The following DNAJC1 variants were observed in gnomAD, a reference collection of about 807,000 sequenced individuals.
DNAJC1 encodes dnaJ homolog subfamily C member 1.
Under a neutral mutation model 76.6 loss-of-function variants are expected in DNAJC1, and 58 were observed. The observed-to-expected ratio is 0.76, with a 90% CI of 0.61 to 0.94. The LOEUF (loss-of-function observed/expected upper bound fraction) is 0.94, where lower values mean the gene tolerates loss of function less well. Among genes scored for constraint, DNAJC1 ranks in the 40% least tolerant of loss-of-function variants. The pLI is 0.00. For synonymous variants in DNAJC1, 258 were observed against 267.9 expected, an observed-to-expected ratio of 0.96 and a Z score of 0.36; for missense variants, 689 against 677.3, an observed-to-expected ratio of 1.02 and a Z score of -0.19.
At chr10:21,983,595 C>T (rs1170016071) in intron 1 of DNAJC1, among the ~76,000 whole-genome samples, 1 of 152,058 alleles carries the variant, frequency 6.6e-6, no homozygotes, top group Non-Finnish European at 1.5e-5. Context: ...TGGCACTCGC[C>T]TGTAAATCCC....
At chr10:21,828,177 T>C (rs1417049547) in intron 8 of DNAJC1, among the ~76,000 whole-genome samples, 1 of 152,162 alleles carries the variant, frequency 6.6e-6, no homozygotes, top group Non-Finnish European at 1.5e-5. Context: ...TATAAAACAA[T>C]AAGCAATGTA....
chr10:21,813,641 G>T (rs965115553), intron 8 of DNAJC1, among the ~76,000 whole-genome samples: 16 of 152,124 alleles, frequency 1.1e-4, no homozygotes, highest in Admixed American at 2.0e-4. Context: ...ACCTGCCTTG[G>T]CCTCCCAAAG....
At chr10:21,898,771 T>C (rs559658339) in intron 7 of DNAJC1, among the ~76,000 whole-genome samples, 2 of 151,832 alleles carry the variant, frequency 1.3e-5, no homozygotes, top group South Asian at 2.1e-4. Context: ...GGTTTTGCCA[T>C]GTTGGCCAGG....
chr10:21,928,512 C>T lies in DNAJC1; in HGVS notation c.365G>A (p.Arg122Lys), dbSNP rs1381005568. The T allele has an allele frequency of 2.5e-6, 4 of 1,612,938 alleles. No homozygotes were observed. The highest frequency in any genetic ancestry group is 1.3e-5 in the African/African-American group (1 of 74,862). ...AGCAGAAATGAACACTCACCTCTGCCTTCGTTCATCATCCTTTAAAACTTC... is the reference window on the plus strand; with the variant it reads ...AGCAGAAATGAACACTCACCTCTGCTTTCGTTCATCATCCTTTAAAACTTC... Reference protein sequence around the residue: ...IYEVLKDDERRQRYDDILING... With the variant: ...IYEVLKDDERKQRYDDILING... The change falls in exon 3 of 12, where the codon AGG becomes AAG. Residue 122 changes from arginine to lysine, a missense_variant. Coordinates refer to ENST00000376980, the MANE Select transcript of DNAJC1 (RefSeq NM_022365.4).
At chr10:21,979,154 T>C (rs955591815) in intron 1 of DNAJC1, among the ~76,000 whole-genome samples, 2 of 151,042 alleles carry the variant, frequency 1.3e-5, no homozygotes, top group African/African-American at 2.5e-5. Flanking sequence ...TGAAGATCTT[T>C]TAAAAAAAAC....
intron 8 of DNAJC1, among the ~76,000 whole-genome samples, chr10:21,876,851 A>G (rs1836196741): frequency 6.6e-6 from 1 of 152,240 alleles, no homozygotes; most frequent in Admixed American, 6.5e-5. Context: ...TTTGGAACAA[A>G]ACATTAATCT....
chr10:21,765,238 G>A (rs768930324), intron 10 of DNAJC1, among the ~76,000 whole-genome samples: 6 of 152,086 alleles, frequency 3.9e-5, no homozygotes, highest in Middle Eastern at 3.4e-3. Flanking sequence ...TTTTTTTTAC[G>A]TTTATTTTTC....
intron 10 of DNAJC1, among the ~76,000 whole-genome samples, chr10:21,763,501 G>GACTCAGAC (rs1209903943): frequency 6.6e-6 from 1 of 150,710 alleles, no homozygotes; most frequent in Admixed American, 6.6e-5. Context: ...CAGGAACCCA[G>GACTCAGAC]ACTCAGACAC....
At chr10:21,858,404 G>A (rs1483486265) in intron 8 of DNAJC1, among the ~76,000 whole-genome samples, 1 of 152,150 alleles carries the variant, frequency 6.6e-6, no homozygotes, top group African/African-American at 2.4e-5. Flanking sequence ...TGATTTAAAC[G>A]ACCAGAATGC....
rs1216802870 is a variant in DNAJC1 at position 22,001,139 on chromosome 10, C to G, written c.222+2074G>C. Among the ~76,000 whole-genome samples the G allele has an allele frequency of 2.0e-5, 3 of 152,296 alleles. No individual in the cohort carries two copies. The East Asian group carries it at 5.8e-4, about 29-fold the overall frequency. ...CCAATGCTTAAAATCCAATAGGCACCAAACAAATCTCTGTTGCGTGAACAA... is the reference window on the plus strand; with the variant it reads ...CCAATGCTTAAAATCCAATAGGCACGAAACAAATCTCTGTTGCGTGAACAA... On this transcript the variant is annotated intron_variant, in intron 1 of 11. Coordinates refer to ENST00000376980, the MANE Select transcript of DNAJC1 (RefSeq NM_022365.4).
At chr10:21,760,220 CTG>C (rs1233583539) in intron 10 of DNAJC1, among the ~76,000 whole-genome samples, 2 of 152,314 alleles carry the variant, frequency 1.3e-5, no homozygotes, top group African/African-American at 2.4e-5. Flanking sequence ...GAGTTTGAGG[CTG>C]CAGTCAGCTA....
At chr10:21,816,880 C>CGCGGT (rs1835086578) in intron 8 of DNAJC1, among the ~76,000 whole-genome samples, 1 of 140,990 alleles carries the variant, frequency 7.1e-6, no homozygotes, top group Non-Finnish European at 1.5e-5. Context: ...AAATGCCGGG[C>CGCGGT]GCGGTGGCTC....
intron 7 of DNAJC1, among the ~76,000 whole-genome samples, chr10:21,884,718 C>T (rs1836341700): frequency 6.6e-6 from 1 of 152,082 alleles, no homozygotes; most frequent in Non-Finnish European, 1.5e-5. Flanking sequence ...AGTATGAAAT[C>T]ACCATTGAAG....
chr10:21,790,010 T>TAAAAAAAAAAAAA (rs35639440), intron 9 of DNAJC1, among the ~76,000 whole-genome samples: 1 of 41,064 alleles, frequency 2.4e-5, no homozygotes, highest in Non-Finnish European at 3.9e-5. Flanking sequence ...GCTCTGTCTT[T>TAAAAAAAAAAAAA]AAAAAAAAAA....
In DNAJC1 at chr10:21,926,329, T is replaced by C. The variant is rs983172360; in HGVS notation, c.371+2177A>G. 9.2e-5 allele frequency among the ~76,000 whole-genome samples: 14 copies of C among 152,118 alleles called. No individual in the cohort carries two copies. The East Asian group carries it at 2.7e-3, about 29-fold the overall frequency. ...TTATCAATTTAACTGCTATTCCCTT[T>C]TCCAGCAAAATTCAAATAATGCATC... On this transcript the variant is annotated intron_variant, in intron 3 of 11. Transcript: ENST00000376980.
intron 1 of DNAJC1, among the ~76,000 whole-genome samples, chr10:21,933,798 C>G (rs930883111): frequency 9.9e-5 from 15 of 152,012 alleles, no homozygotes; most frequent in African/African-American, 3.4e-4. Context: ...GACATGTTAC[C>G]CTTCCTAATG....
chr10:21,889,272 C>T (rs1224400896), intron 7 of DNAJC1, among the ~76,000 whole-genome samples: 4 of 152,114 alleles, frequency 2.6e-5, no homozygotes, highest in Non-Finnish European at 5.9e-5. Flanking sequence ...CTCACTGTCT[C>T]AAGAAGAGCA....
At chr10:21,889,798 A>C (rs1357897273) in intron 7 of DNAJC1, among the ~76,000 whole-genome samples, 1 of 152,210 alleles carries the variant, frequency 6.6e-6, no homozygotes, top group African/African-American at 2.4e-5. Context: ...CAGCATAGGC[A>C]TTTATCTTTT....
At chr10:21,802,254 GA>G (rs1289608120) in intron 9 of DNAJC1, among the ~76,000 whole-genome samples, 1 of 152,106 alleles carries the variant, frequency 6.6e-6, no homozygotes, top group African/African-American at 2.4e-5. Flanking sequence ...GACGAAGGCA[GA>G]AAAACCAAAA....
Sources: gnomAD v4.1 joint callset for allele counts (sites outside exome capture counted in the v4.1 genomes callset) on GRCh38, gnomAD v4.1.1 for gene constraint, MANE v1.5 for transcripts, NCBI Gene and HGNC (gene_info 2026-07-23, HGNC 2026-07-21) for gene names.